Variants in SLC9A3 observed in about 807,000 individuals in gnomAD.
SLC9A3 encodes solute carrier family 9 member A3, also known as sodium/hydrogen exchanger 3.
In SLC9A3, 37 loss-of-function variants were observed where a neutral mutation model predicts 86.8. The observed-to-expected ratio is 0.43, with a 90% CI of 0.33 to 0.56. The LOEUF (loss-of-function observed/expected upper bound fraction) is 0.56, where lower values mean the gene tolerates loss of function less well. Ranked by LOEUF, SLC9A3 falls within the 20% of genes least tolerant of loss-of-function variation. The probability of loss-of-function intolerance (pLI) is 0.06; values close to 1 mark genes in which losing one functional copy is unlikely to be tolerated. For missense variants in SLC9A3, 1,011 were observed against 1,171.9 expected (o/e 0.86, Z 2.00); for synonymous variants, 581 against 528.3 (o/e 1.10, Z -1.37).
Position 473,045 on chromosome 5 carries a change from G to C in SLC9A3, c.*334C>G, listed in dbSNP as rs76348935. 3 of 362,542 alleles carry C rather than the reference G, an allele frequency of 8.3e-6. No homozygotes were observed. Among genetic ancestry groups the C allele is most frequent in the Admixed American group, 4.8e-5 (1 of 20,694 alleles). The allele number at this position is 362,542 out of a possible 1,614,324, so 22.5% of individuals were successfully genotyped here. ...GCAGCGACGCCAGCTTCAGCAGCGC[G>C]GGGCGGCGGCGCGCGCGAGGCCGCT... On this transcript the variant is annotated 3_prime_UTR_variant, in exon 17 of 17. Transcript: ENST00000264938.
At chr5:495,997 G>C (rs1351290479) in intron 1 of SLC9A3, among the ~76,000 whole-genome samples, 1 of 152,226 alleles carries the variant, frequency 6.6e-6, no homozygotes, top group Non-Finnish European at 1.5e-5. Flanking sequence ...TACTGTAAAA[G>C]CCTGTTAACT....
rs1004220596 is a variant in SLC9A3, at chr5:508,159, C to A, written c.211+15953G>T. Among the ~76,000 whole-genome samples, 6 of 152,272 alleles carry A rather than the reference C, an allele frequency of 3.9e-5. No homozygotes were observed. The South Asian group carries it at 1.2e-3, about 32-fold the overall frequency. ...CTATGGAATCACAAGCAGCCCAGAG[C>A]GCGCCCGGGATGGAGATGCCGCAGG... On this transcript the variant is annotated intron_variant, in intron 1 of 16. Transcript: ENST00000264938.
intron 1 of SLC9A3, among the ~76,000 whole-genome samples, chr5:506,199 G>A (rs989916802): frequency 3.9e-5 from 6 of 152,138 alleles, no homozygotes; most frequent in Admixed American, 6.5e-5. Flanking sequence ...ACTTTGTCAC[G>A]AGCTTTGCCC....
At position 480,152 on chromosome 5, in the gene SLC9A3, G is replaced by C. The variant is rs1025453494; in HGVS notation, c.1518-187C>G. 64 of 596,364 alleles carry C rather than the reference G, an allele frequency of 1.1e-4. 1 individual carries two copies. In the South Asian group the frequency reaches 1.3e-3, roughly 12 times the overall value. 36.9% of individuals were successfully genotyped at this position (596,364 alleles called of 1,614,324 possible). A position where few individuals can be genotyped will look rare whatever the true frequency, so the allele number is the denominator to read the frequency against. ...CGCCGTTCTCCCGCCTGTCCTGTTG[G>C]ATGGAGGCCGTTAGACGCATATGAA... On this transcript the variant is annotated intron_variant, in intron 9 of 16. Transcript: ENST00000264938.
chr5:476,297 G>A lies in SLC9A3; in HGVS notation c.1972C>T (p.Arg658Trp), dbSNP rs1393947888. ...GACTTGAAGGACTCCAGGCGCTTCC[G>A]CATGGTCCTGTGGAAGATTTCCCGG... is the stretch of plus-strand genomic sequence containing the variant. ...QDREIFHRTMRKRLESFKSTK... is the reference protein window; with the variant it reads ...QDREIFHRTMWKRLESFKSTK... The change falls in exon 13 of 17, where the codon CGG becomes TGG. Residue 658 changes from arginine to tryptophan, a missense_variant. Around this residue, in one of 3 missense-constraint regions of SLC9A3, gnomAD observed 397 missense variants for 346.3 expected, o/e 1.15. Coordinates refer to ENST00000264938, the MANE Select transcript of SLC9A3 (RefSeq NM_004174.4). 2.5e-6 allele frequency: 4 copies of A among 1,613,884 alleles called. No individual in the cohort carries two copies. The highest frequency in any genetic ancestry group is 2.5e-6 in the Non-Finnish European group (3 of 1,179,964).
intron 1 of SLC9A3, among the ~76,000 whole-genome samples, chr5:499,953 G>A (rs2126638336): frequency 6.6e-6 from 1 of 152,338 alleles, no homozygotes; most frequent in African/African-American, 2.4e-5. Flanking sequence ...CACAGCCCTG[G>A]GCCCCGTCGG....
intron 1 of SLC9A3, among the ~76,000 whole-genome samples, chr5:494,774 G>A (rs1180515679): frequency 6.6e-6 from 1 of 152,136 alleles, no homozygotes; most frequent in Non-Finnish European, 1.5e-5. Context: ...TGCTGGCGAC[G>A]AGTGCCTAGC....
At position 475,047 on chromosome 5, in the gene SLC9A3, C is replaced by G. The variant is rs774457077; in HGVS notation, c.2337G>C (p.Glu779Asp). The stretch of plus-strand genomic sequence containing the variant: ...GGGCCCTCTGCGAGGGGACCACCGT[C>G]TCCCCGGGAGACAGCCAGGGCGGCA... The part of the protein sequence containing the change: ...ARLPPWLSPG[E>D]TVVPSQRART... Residue 779 changes from glutamate (E) to aspartate (D), a missense_variant, in exon 16 of 17, where the codon GAG becomes GAC. Physicochemically the swap from Glu to Asp is conservative, Grantham distance 45 (BLOSUM62 2). Coordinates refer to ENST00000264938, the MANE Select transcript of SLC9A3 (RefSeq NM_004174.4). 1 of 1,612,384 alleles carries G rather than the reference C, an allele frequency of 6.2e-7. No homozygotes were observed. The highest frequency in any genetic ancestry group is 1.1e-5 in the South Asian group (1 of 91,064).
In SLC9A3 at chr5:476,199, T is replaced by TA; in HGVS notation, c.2067+2dup. On this transcript the variant is annotated splice_region_variant and intron_variant, in intron 13 of 16. Transcript: ENST00000264938. Reference sequence around the variant, plus strand: ...GCCAAGCCTCCTGGTGACCCAGCCTTACCCGCTTCTGGGCACGCTCCCGCT... The same window carrying TA: ...GCCAAGCCTCCTGGTGACCCAGCCTTAACCCGCTTCTGGGCACGCTCCCGCT... 1 of 1,613,418 alleles carries TA rather than the reference T, an allele frequency of 6.2e-7. No individual in the cohort carries two copies. The highest frequency in any genetic ancestry group is 8.5e-7 in the Non-Finnish European group (1 of 1,179,784).
chr5:499,181 C>T (rs997201403), intron 1 of SLC9A3, among the ~76,000 whole-genome samples: 2 of 152,244 alleles, frequency 1.3e-5, no homozygotes, highest in Non-Finnish European at 2.9e-5. Flanking sequence ...TCCTCTTGAA[C>T]GGCAGTCTGC....
At chr5:523,297 A>T (rs1049908679) in intron 1 of SLC9A3, among the ~76,000 whole-genome samples, 1 of 151,988 alleles carries the variant, frequency 6.6e-6, no homozygotes, top group Non-Finnish European at 1.5e-5. Context: ...CCTCGGCCCC[A>T]GCATCGAAAC....
chr5:495,339 AAAC>A (rs1739975056), intron 1 of SLC9A3, among the ~76,000 whole-genome samples: 1 of 151,546 alleles, frequency 6.6e-6, no homozygotes, highest in South Asian at 2.1e-4. Flanking sequence ...TTGTCTTTAA[AAAC>A]AACAACGCAA....
At chr5:512,857 T>C (rs537896180) in intron 1 of SLC9A3, among the ~76,000 whole-genome samples, 86 of 152,082 alleles carry the variant, frequency 5.7e-4, no homozygotes, top group Non-Finnish European at 1.1e-3. Context: ...GGGCTGGGCG[T>C]GCAGAGGCCC....
intron 14 of SLC9A3, 119 bp downstream of exon 14, chr5:475,901 G>A (rs1738696119): frequency 1.1e-6 from 1 of 905,112 alleles, no homozygotes; most frequent in South Asian, 1.7e-5. Context: ...CCCCTGCCTG[G>A]GTGGCTGGAG....
chr5:486,147 C>T (rs1178625525), intron 3 of SLC9A3, among the ~76,000 whole-genome samples: 1 of 151,806 alleles, frequency 6.6e-6, no homozygotes, highest in Non-Finnish European at 1.5e-5. Flanking sequence ...ACCTTTCAAA[C>T]CACAGGCACT....
chr5:481,864 C>G (rs1304373362), intron 8 of SLC9A3, among the ~76,000 whole-genome samples: 5 of 50,818 alleles, frequency 9.8e-5, no homozygotes, highest in Admixed American at 7.8e-4. Flanking sequence ...CTCAGCCCAG[C>G]CCCGAGGAAC....
chr5:476,728 G>T (rs987551449), intron 11 of SLC9A3, 56 bp from the exon 12 acceptor site: 17 of 1,582,888 alleles, frequency 1.1e-5, no homozygotes, highest in Admixed American at 1.0e-4. Flanking sequence ...GGTCTCTTGC[G>T]CGCCCCTCGC....
At chr5:488,198 G>A in intron 3 of SLC9A3, 118 bp downstream of exon 3, 9 of 1,149,340 alleles carry the variant, frequency 7.8e-6, no homozygotes, top group Non-Finnish European at 1.1e-5. Flanking sequence ...ACGCCCCCGG[G>A]AGGGGAGTTT....
chr5:488,359 A>G lies in SLC9A3; in HGVS notation c.632T>C (p.Ile211Thr). The G allele has an allele frequency of 6.2e-7, 1 of 1,612,744 alleles. No homozygotes were observed. The highest frequency in any genetic ancestry group is 8.5e-7 in the Non-Finnish European group (1 of 1,179,864). Residue 211 changes from isoleucine to threonine, a missense_variant, in exon 3 of 17, where the codon ATC (isoleucine) becomes ACC (threonine). Physicochemically the swap from Ile to Thr is moderately conservative, Grantham distance 89. Around this residue, in one of 3 missense-constraint regions of SLC9A3, gnomAD observed 565 missense variants for 790.0 expected, o/e 0.72. Transcript: ENST00000264938. ...CAGCAGCGACTCCCCGAAGACGATGATGAACAGGACCTCGTTGACATGGAC... is the reference window on the plus strand; with the variant it reads ...CAGCAGCGACTCCCCGAAGACGATGGTGAACAGGACCTCGTTGACATGGAC... The part of the protein sequence containing the change: ...EEVHVNEVLF[I>T]IVFGESLLND...
Sources: gnomAD v4.1 joint callset for allele counts (sites outside exome capture counted in the v4.1 genomes callset) on GRCh38, gnomAD v4.1.1 for gene constraint, gnomAD v4.1.1 regional missense constraint, MANE v1.5 for transcripts, NCBI Gene and HGNC (gene_info 2026-07-23, HGNC 2026-07-21) for gene names.